CDH2: variants seen among roughly 807,000 people sequenced by gnomAD.
CDH2 encodes cadherin 2.
Under a neutral mutation model 92.0 loss-of-function variants are expected in CDH2, and 17 were observed. The ratio of observed to expected loss-of-function variants is 0.18; its 90% CI spans 0.13 to 0.28. The LOEUF (loss-of-function observed/expected upper bound fraction) is 0.28, where lower values mean the gene tolerates loss of function less well. CDH2 is among the 10% of genes least tolerant of loss of function. The pLI is 1.00. For synonymous variants in CDH2, 419 were observed against 415.9 expected (o/e 1.01, Z -0.09); for missense variants, 862 against 1,133.1 (o/e 0.76, Z 3.44).
chr18:28,027,684 A>T (rs764436731), intron 2 of CDH2, among the ~76,000 whole-genome samples: 15 of 152,162 alleles, frequency 9.9e-5, no homozygotes, highest in Non-Finnish European at 2.1e-4. Context: ...TCTCCCTTGT[A>T]TACATTCTAA....
chr18:28,048,236 T>A (rs190204603), intron 2 of CDH2, among the ~76,000 whole-genome samples: 2 of 152,182 alleles, frequency 1.3e-5, no homozygotes, highest in Admixed American at 1.3e-4. Context: ...TGGGCTGCAG[T>A]TCTAGGTTTC....
At chr18:28,011,738 T>C in intron 4 of CDH2, 108 bp downstream of exon 4, 2 of 1,006,172 alleles carry the variant, frequency 2.0e-6, no homozygotes, top group Non-Finnish European at 3.0e-6. Flanking sequence ...AAAAACACTT[T>C]TAGTATATAC....
intron 1 of CDH2, among the ~76,000 whole-genome samples, chr18:28,175,135 G>C (rs1235415210): frequency 1.3e-5 from 2 of 152,174 alleles, no homozygotes. Flanking sequence ...GTCAAAGAAT[G>C]AGGAGTGTGC....
Position 28,104,692 on chromosome 18 carries a change from ATATCTATC to A in CDH2, c.172+42973_172+42980del, listed in dbSNP as rs5823586. 4.4e-3 allele frequency among the ~76,000 whole-genome samples: 659 copies of A among 148,456 alleles called. 1 individual carries two copies. The highest frequency in any genetic ancestry group is 0.017 in the East Asian group (82 of 4,872). On this transcript the variant is annotated intron_variant, in intron 2 of 15. Coordinates refer to ENST00000269141, the MANE Select transcript of CDH2 (RefSeq NM_001792.5). ...TAAACATACATATAGATGCAAATAC[ATATCTATC>A]TATCTATCTATCTATCTATCTATCT...
At chr18:27,967,530 C>G (rs1284026412) in intron 14 of CDH2, among the ~76,000 whole-genome samples, 1 of 152,142 alleles carries the variant, frequency 6.6e-6, no homozygotes, top group Non-Finnish European at 1.5e-5. Context: ...TATTTGGCTC[C>G]TAAAACTCAA....
intron 14 of CDH2, among the ~76,000 whole-genome samples, chr18:27,964,212 A>G (rs566026158): frequency 6.6e-6 from 1 of 152,228 alleles, no homozygotes; most frequent in Non-Finnish European, 1.5e-5. Flanking sequence ...GAGAGGGTGG[A>G]TTTTCTTCCA....
At chr18:28,121,370 C>G (rs1369260460) in intron 2 of CDH2, among the ~76,000 whole-genome samples, 3 of 152,028 alleles carry the variant, frequency 2.0e-5, no homozygotes, top group Non-Finnish European at 4.4e-5. Flanking sequence ...TTTTTCTTGG[C>G]CTCCCTGCAG....
At chr18:27,946,575 C>T (rs890769346), downstream of CDH2, among the ~76,000 whole-genome samples, 2 of 151,934 alleles carry the variant, frequency 1.3e-5, no homozygotes, top group African/African-American at 4.8e-5. Context: ...AGAATTTGAG[C>T]ATTTTTAATG....
chr18:28,108,193 G>A (rs550435351), intron 2 of CDH2, among the ~76,000 whole-genome samples: 7 of 152,120 alleles, frequency 4.6e-5, no homozygotes, highest in African/African-American at 1.4e-4. Flanking sequence ...GAAACCCCTG[G>A]GAAGATAAAT....
chr18:28,073,159 C>T (rs1213417357), intron 2 of CDH2, among the ~76,000 whole-genome samples: 6 of 152,034 alleles, frequency 3.9e-5, no homozygotes, highest in African/African-American at 1.4e-4. Flanking sequence ...CTTCAGTTCT[C>T]TAGTGTAAAC....
intron 2 of CDH2, among the ~76,000 whole-genome samples, chr18:28,137,106 T>C (rs943686422): frequency 6.6e-6 from 1 of 152,186 alleles, no homozygotes; most frequent in Non-Finnish European, 1.5e-5. Context: ...ATTTAAAAGT[T>C]AGTACAATTA....
At chr18:28,158,936 T>C (rs1198442575) in intron 1 of CDH2, among the ~76,000 whole-genome samples, 1 of 152,234 alleles carries the variant, frequency 6.6e-6, no homozygotes, top group Non-Finnish European at 1.5e-5. Context: ...CAAATTGTTA[T>C]TTATGTTACG....
At chr18:27,952,508 G>A (rs1450407379) in intron 15 of CDH2, 149 bp from the exon 16 acceptor site, 1 of 656,850 alleles carries the variant, frequency 1.5e-6, no homozygotes, top group African/African-American at 1.8e-5. Flanking sequence ...CATGGAAAAG[G>A]GAGATATAAC....
At chr18:27,933,756 G>A (rs1282734177) in intron 6 of CDH2, among the ~76,000 whole-genome samples, 1 of 152,194 alleles carries the variant, frequency 6.6e-6, no homozygotes, top group Non-Finnish European at 1.5e-5. Flanking sequence ...GGAAAAGCAA[G>A]CTTCACGTAT....
chr18:28,042,290 T>G (rs1467170077), intron 2 of CDH2, among the ~76,000 whole-genome samples: 1 of 152,198 alleles, frequency 6.6e-6, no homozygotes, highest in Non-Finnish European at 1.5e-5. Context: ...AACGTTTTAT[T>G]ACTTTAGTAG....
chr18:28,034,346 T>G (rs1428517820), intron 2 of CDH2, among the ~76,000 whole-genome samples: 1 of 152,130 alleles, frequency 6.6e-6, no homozygotes, highest in East Asian at 1.9e-4. Flanking sequence ...TTGTTCATGC[T>G]GAGCAGTCAT....
At chr18:28,036,667 T>C (rs918088856) in intron 2 of CDH2, 7 of 720,724 alleles carry the variant, frequency 9.7e-6, no homozygotes, top group South Asian at 6.7e-5. Flanking sequence ...CGATGCAGCT[T>C]TTTATAACTG....
At chr18:28,021,350 T>TC (rs2013405428) in intron 2 of CDH2, among the ~76,000 whole-genome samples, 1 of 151,790 alleles carries the variant, frequency 6.6e-6, no homozygotes, top group Non-Finnish European at 1.5e-5. Flanking sequence ...AAGTAGAAAC[T>TC]CCAGAATATC....
intron 1 of CDH2, among the ~76,000 whole-genome samples, chr18:28,150,421 A>T (rs985591014): frequency 5.3e-5 from 8 of 152,308 alleles, no homozygotes; most frequent in African/African-American, 1.7e-4. Context: ...GATCTGCCCT[A>T]AGGCAGGAGA....
Sources: allele counts gnomAD v4.1 joint callset (sites outside exome capture counted in the v4.1 genomes callset), GRCh38; gene constraint gnomAD v4.1.1; transcripts MANE v1.5; gene names NCBI Gene and HGNC (gene_info 2026-07-23, HGNC 2026-07-21).